Variants in DACH2 observed in about 807,000 individuals in gnomAD.
DACH2 encodes the protein dachshund homolog 2.
DACH2 carries 17 observed loss-of-function variants against 35.8 expected under a neutral mutation model. That is an observed-to-expected ratio of 0.48 (90% CI 0.33 to 0.71). The LOEUF is 0.71. Ranked by LOEUF, DACH2 falls within the 30% of genes least tolerant of loss-of-function variation. The probability of loss-of-function intolerance (pLI) is 0.02; values close to 1 mark genes in which losing one functional copy is unlikely to be tolerated. For missense variants in DACH2, 469 were observed against 472.7 expected (o/e 0.99, Z 0.07); for synonymous variants, 195 against 177.3 (o/e 1.10, Z -0.79).
At chrX:86,790,309 G>A (rs2042175363) in intron 7 of DACH2, among the ~76,000 whole-genome samples, 1 of 111,719 alleles carries the variant, frequency 9.0e-6, no homozygotes. Flanking sequence ...ATACAGCTAT[G>A]GCTAGTCTTT....
At chrX:86,562,068 AG>A in intron 3 of DACH2, among the ~76,000 whole-genome samples, 1 of 109,762 alleles carries the variant, frequency 9.1e-6, no homozygotes, top group African/African-American at 3.3e-5. Flanking sequence ...CCAAAGGTAA[AG>A]CTTCCCACCA....
At chrX:86,709,035 G>A (rs766648908) in intron 5 of DACH2, among the ~76,000 whole-genome samples, 1 of 111,554 alleles carries the variant, frequency 9.0e-6, no homozygotes, top group African/African-American at 3.2e-5. Flanking sequence ...AAGTTGTTTT[G>A]TGGATACTCA....
Position 86,793,375 on chromosome X carries a change from G to C in DACH2, c.1241-19481G>C, listed in dbSNP as rs781361928. Among the ~76,000 whole-genome samples, 7 of 110,907 alleles carry C rather than the reference G, an allele frequency of 6.3e-5. No homozygotes were observed. The South Asian group carries it at 2.3e-3, about 36-fold the overall frequency. On this transcript the variant is annotated intron_variant, in intron 7 of 11. Transcript: ENST00000373125. ...TGTGGATTGTTTGCTAGTACATTTT[G>C]AAGAAAGATACTAGTTAATAAAATT...
At chrX:86,205,268 TCCAAGTGTGCC>T (rs1053365158) in intron 1 of DACH2, among the ~76,000 whole-genome samples, 22 of 111,155 alleles carry the variant, frequency 2.0e-4, no homozygotes, top group Middle Eastern at 9.2e-3. Flanking sequence ...AGTATATTTC[TCCAAGTGTGCC>T]CAATAGAAAA....
At chrX:86,331,490 A>G (rs1355858666) in intron 1 of DACH2, among the ~76,000 whole-genome samples, 1 of 111,106 alleles carries the variant, frequency 9.0e-6, no homozygotes, top group Admixed American at 9.7e-5. Context: ...AAACAAACAA[A>G]AAAACAGAAG....
intron 3 of DACH2, among the ~76,000 whole-genome samples, chrX:86,533,604 G>T (rs2038755304): frequency 8.9e-6 from 1 of 111,842 alleles, no homozygotes. Context: ...TTTGACATAA[G>T]TACTTCTGAG....
intron 6 of DACH2, among the ~76,000 whole-genome samples, chrX:86,728,716 C>T (rs2041498623): frequency 8.9e-6 from 1 of 112,615 alleles, no homozygotes; most frequent in Admixed American, 9.4e-5. Context: ...CAGAGGACCC[C>T]AGATAATGCT....
chrX:86,177,384 C>T (rs2031337625), intron 1 of DACH2, among the ~76,000 whole-genome samples: 1 of 112,219 alleles, frequency 8.9e-6, no homozygotes, highest in Non-Finnish European at 1.9e-5. Flanking sequence ...ATGGAAGCTA[C>T]TTAAACAGCT....
Position 86,624,585 on chromosome X carries a change from G to A in DACH2, c.641-26451G>A, listed in dbSNP as rs962840684. ...GATTTATGCCAATCTGTTTGAACAA[G>A]TTAAGAAGTTACCACAGTCTTTCAG... On this transcript the variant is annotated intron_variant, in intron 3 of 11. Transcript: ENST00000373125. Among the ~76,000 whole-genome samples the A allele has an allele frequency of 1.4e-4, 16 of 111,910 alleles. No homozygotes were observed. In the East Asian group the frequency reaches 2.8e-3, roughly 20 times the overall value.
chrX:86,306,521 G>A (rs1481761952), intron 1 of DACH2, among the ~76,000 whole-genome samples: 1 of 111,878 alleles, frequency 8.9e-6, no homozygotes, highest in African/African-American at 3.3e-5. Context: ...GTGGGCTGGG[G>A]AAGGCAAATC....
intron 7 of DACH2, among the ~76,000 whole-genome samples, chrX:86,789,876 G>A (rs1287802857): frequency 1.8e-5 from 2 of 111,437 alleles, no homozygotes; most frequent in Admixed American, 9.6e-5. Flanking sequence ...AGAAATAGAT[G>A]TCACCTATTT....
intron 3 of DACH2, among the ~76,000 whole-genome samples, chrX:86,522,986 T>C (rs1305002330): frequency 1.8e-5 from 2 of 111,830 alleles, no homozygotes; most frequent in Admixed American, 9.5e-5. Flanking sequence ...AATAGACAGA[T>C]GTGAAATTTG....
At chrX:86,455,240 C>T in intron 2 of DACH2, among the ~76,000 whole-genome samples, 1 of 111,105 alleles carries the variant, frequency 9.0e-6, no homozygotes. Flanking sequence ...TTGGAGGTCT[C>T]ACCCAGTCAG....
intron 3 of DACH2, among the ~76,000 whole-genome samples, chrX:86,630,310 G>A (rs1307218874): frequency 3.7e-5 from 4 of 109,438 alleles, no homozygotes; most frequent in Non-Finnish European, 7.6e-5. Flanking sequence ...TTGGTTTACC[G>A]ATCTGAGAAA....
chrX:86,178,882 A>T, intron 1 of DACH2, among the ~76,000 whole-genome samples: 1 of 112,041 alleles, frequency 8.9e-6, no homozygotes, highest in Non-Finnish European at 1.9e-5. Context: ...AACACAAGAA[A>T]AAGAGCAAAT....
intron 7 of DACH2, among the ~76,000 whole-genome samples, chrX:86,740,733 G>C (rs1051241419): frequency 9.1e-6 from 1 of 109,557 alleles, no homozygotes; most frequent in African/African-American, 3.3e-5. Context: ...ACCACCATGA[G>C]TTTCTTTACC....
intron 4 of DACH2, among the ~76,000 whole-genome samples, chrX:86,694,488 G>A (rs902959980): frequency 2.7e-5 from 3 of 111,936 alleles, no homozygotes; most frequent in Non-Finnish European, 5.6e-5. Context: ...CAAACTGGAA[G>A]CAATGGTTTC....
intron 3 of DACH2, among the ~76,000 whole-genome samples, chrX:86,640,569 A>T (rs2040333469): frequency 9.0e-6 from 1 of 111,450 alleles, no homozygotes; most frequent in African/African-American, 3.3e-5. Context: ...AACCACCAAG[A>T]TCTCTTCATC....
At chrX:86,590,143 G>A (rs1454608888) in intron 3 of DACH2, among the ~76,000 whole-genome samples, 3 of 111,901 alleles carry the variant, frequency 2.7e-5, no homozygotes, top group Non-Finnish European at 5.6e-5. Context: ...ACCGCTGCTA[G>A]TACCTTGGAA....
Sources: allele counts gnomAD v4.1 joint callset (sites outside exome capture counted in the v4.1 genomes callset), GRCh38; gene constraint gnomAD v4.1.1; transcripts MANE v1.5; gene names NCBI Gene and HGNC (gene_info 2026-07-23, HGNC 2026-07-21).